Variants in RUNDC3B observed in about 807,000 individuals in gnomAD.
RUNDC3B encodes the protein RUN domain containing 3B.
A neutral mutation model predicts 58.4 loss-of-function variants in RUNDC3B; 33 were observed. The observed-to-expected ratio is 0.56, with a 90% CI of 0.43 to 0.75. RUNDC3B has a LOEUF of 0.75. RUNDC3B is among the 30% of genes least tolerant of loss of function. The pLI, the probability that RUNDC3B is intolerant of heterozygous loss-of-function variation, is 0.00. For synonymous variants in RUNDC3B, 193 were observed against 195.2 expected (o/e 0.99, Z 0.10); for missense variants, 501 against 535.7 (o/e 0.94, Z 0.64).
intron 9 of RUNDC3B, among the ~76,000 whole-genome samples, chr7:87,813,261 A>G (rs1836821765): frequency 6.6e-6 from 1 of 152,218 alleles, no homozygotes; most frequent in South Asian, 2.1e-4. Flanking sequence ...CTTTGGATTC[A>G]GAAAGTGATA....
At chr7:87,696,728 G>T (rs1448339983) in intron 2 of RUNDC3B, among the ~76,000 whole-genome samples, 1 of 152,166 alleles carries the variant, frequency 6.6e-6, no homozygotes, top group African/African-American at 2.4e-5. Flanking sequence ...TTGTAGAGCA[G>T]ATAAATGTGT....
intron 6 of RUNDC3B, among the ~76,000 whole-genome samples, chr7:87,745,299 C>T (rs1046618519): frequency 4.6e-5 from 7 of 151,952 alleles, no homozygotes; most frequent in Non-Finnish European, 8.8e-5. Context: ...ATGTCCTTTC[C>T]TGGTTTTGGT....
intron 2 of RUNDC3B, among the ~76,000 whole-genome samples, chr7:87,675,915 C>T (rs560606971): frequency 6.6e-6 from 1 of 152,258 alleles, no homozygotes; most frequent in East Asian, 1.9e-4. Flanking sequence ...AGTGGAACGA[C>T]ATTAAACTGA....
Position 87,823,789 on chromosome 7 carries a change from T to TAC in RUNDC3B, c.1226-6095_1226-6094insCA, listed in dbSNP as rs879843162. ...AATGAGTAGTATTCCATTTCATATATATACACACACACACACACACACACA... is the reference window on the plus strand; with the variant it reads ...AATGAGTAGTATTCCATTTCATATATACATACACACACACACACACACACACA... On this transcript the variant is annotated intron_variant, in intron 10 of 10. Coordinates refer to ENST00000394654, the MANE Select transcript of RUNDC3B (RefSeq NM_001134405.2). Among the ~76,000 whole-genome samples the TAC allele has an allele frequency of 3.5e-3, 512 of 147,872 alleles. 1 individual carries two copies. Among genetic ancestry groups the TAC allele is most frequent in the African/African-American group, 9.2e-3 (369 of 39,934 alleles).
At chr7:87,705,459 A>C (rs951807607) in intron 3 of RUNDC3B, among the ~76,000 whole-genome samples, 2 of 152,158 alleles carry the variant, frequency 1.3e-5, no homozygotes, top group East Asian at 1.9e-4. Flanking sequence ...ACAAAAAAAA[A>C]CAATGAAATG....
intron 3 of RUNDC3B, among the ~76,000 whole-genome samples, chr7:87,706,116 C>G (rs954564695): frequency 6.6e-6 from 1 of 152,026 alleles, no homozygotes; most frequent in Admixed American, 6.6e-5. Flanking sequence ...TTAATTAGAC[C>G]AGTTTCAGAA....
intron 8 of RUNDC3B, among the ~76,000 whole-genome samples, chr7:87,796,151 G>T (rs1322777605): frequency 6.6e-6 from 1 of 152,170 alleles, no homozygotes; most frequent in Non-Finnish European, 1.5e-5. Context: ...CCTGTTATTT[G>T]CAACAACTTG....
chr7:87,699,079 T>C (rs184907474), intron 2 of RUNDC3B, among the ~76,000 whole-genome samples: 1 of 152,180 alleles, frequency 6.6e-6, no homozygotes, highest in Admixed American at 6.5e-5. Flanking sequence ...GTTACACTAA[T>C]GTTCTGCCAT....
Position 87,703,885 on chromosome 7 carries a change from CTTTT to C in RUNDC3B, c.372+3355_372+3358del. On this transcript the variant is annotated intron_variant, in intron 3 of 10. Transcript: ENST00000394654. ...CTTAGGTGAGCTTTATCAGTTTTTT[CTTTT>C]TTTTTTTTTTTTTTTTTTTTTTTGG... 8.0e-3 allele frequency among the ~76,000 whole-genome samples: 483 copies of C among 60,214 alleles called. 1 individual carries two copies. The highest frequency in any genetic ancestry group is 0.029 in the African/African-American group (455 of 15,924). The allele number at this position is 60,214 out of a possible 152,430, so 39.5% of individuals were successfully genotyped here. A position where few individuals can be genotyped will look rare whatever the true frequency, so the allele number is the denominator to read the frequency against.
chr7:87,716,663 T>A (rs2130765500), intron 4 of RUNDC3B, among the ~76,000 whole-genome samples: 1 of 152,296 alleles, frequency 6.6e-6, no homozygotes, highest in African/African-American at 2.4e-5. Context: ...AAGTGCAAGG[T>A]TTTCCCATAA....
intron 8 of RUNDC3B, among the ~76,000 whole-genome samples, chr7:87,806,435 T>C (rs550256114): frequency 6.6e-6 from 1 of 152,274 alleles, no homozygotes; most frequent in African/African-American, 2.4e-5. Flanking sequence ...TGCTTCTGAA[T>C]TGATGGCTCA....
intron 1 of RUNDC3B, among the ~76,000 whole-genome samples, chr7:87,649,954 T>G (rs549811538): frequency 6.6e-6 from 1 of 152,324 alleles, no homozygotes; most frequent in South Asian, 2.1e-4. Context: ...TTGTGAGGCC[T>G]TCCCAGCCAT....
chr7:87,772,467 TATG>T (rs1834337324), intron 7 of RUNDC3B, among the ~76,000 whole-genome samples: 1 of 152,192 alleles, frequency 6.6e-6, no homozygotes, highest in African/African-American at 2.4e-5. Context: ...ATAGTTAAAA[TATG>T]ATGAAATAAT....
At chr7:87,743,816 A>G (rs544635754) in intron 6 of RUNDC3B, among the ~76,000 whole-genome samples, 1 of 152,180 alleles carries the variant, frequency 6.6e-6, no homozygotes, top group East Asian at 1.9e-4. Context: ...CTTTAGTTTA[A>G]TTAGGTCCCA....
chr7:87,715,572 ATG>A, intron 4 of RUNDC3B, among the ~76,000 whole-genome samples: 1 of 144,258 alleles, frequency 6.9e-6, no homozygotes, highest in South Asian at 2.1e-4. Context: ...AAGGACTAGA[ATG>A]TGGGCATTAA....
intron 2 of RUNDC3B, among the ~76,000 whole-genome samples, chr7:87,655,909 C>CT (rs1824055161): frequency 6.6e-6 from 1 of 151,934 alleles, no homozygotes; most frequent in Admixed American, 6.6e-5. Flanking sequence ...GGAGTTTGTC[C>CT]TTTTTTGCCA....
chr7:87,807,399 G>A lies in RUNDC3B; in HGVS notation c.983G>A (p.Arg328Lys). ...QLTVLKNNDL[R>K]SRQELTAHLT... ...ACTGTGCTAAAGAATAATGATTTAA[G>A]ATCGAGACAAGAGTTAACTGCCCAT... is the stretch of plus-strand genomic sequence containing the variant. Residue 328 changes from arginine to lysine, a missense_variant, in exon 9 of 11, where the codon AGA becomes AAA. Transcript: ENST00000394654. 1 of 1,613,736 alleles carries A rather than the reference G, an allele frequency of 6.2e-7. No homozygotes were observed. Among genetic ancestry groups the A allele is most frequent in the Non-Finnish European group, 8.5e-7 (1 of 1,179,714 alleles).
intron 4 of RUNDC3B, among the ~76,000 whole-genome samples, chr7:87,731,608 A>G (rs1159383317): frequency 6.6e-6 from 1 of 152,210 alleles, no homozygotes; most frequent in Admixed American, 6.5e-5. Context: ...AACATAGAAA[A>G]AAAGTTGTCT....
chr7:87,826,839 T>C (rs1274522735), intron 10 of RUNDC3B, among the ~76,000 whole-genome samples: 4 of 152,140 alleles, frequency 2.6e-5, no homozygotes, highest in Non-Finnish European at 5.9e-5. Flanking sequence ...GAAAACATAC[T>C]GGTGACTTCC....
Sources: allele counts gnomAD v4.1 joint callset (sites outside exome capture counted in the v4.1 genomes callset), GRCh38; gene constraint gnomAD v4.1.1; transcripts MANE v1.5; gene names NCBI Gene and HGNC (gene_info 2026-07-23, HGNC 2026-07-21).